OSBPL6: variants seen among roughly 807,000 people sequenced by gnomAD.
The protein encoded by OSBPL6 is oxysterol binding protein like 6, also known as oxysterol-binding protein-related protein 6.
OSBPL6 carries 49 observed loss-of-function variants against 125.8 expected under a neutral mutation model. That is an observed-to-expected ratio of 0.39 (90% CI 0.31 to 0.49). OSBPL6 has a LOEUF of 0.49. Among genes scored for constraint, OSBPL6 ranks in the 20% least tolerant of loss-of-function variants. The pLI is 0.88. For synonymous variants in OSBPL6, 394 were observed against 391.8 expected (o/e 1.01, Z -0.07); for missense variants, 986 against 1,135.4 (o/e 0.87, Z 1.89).
At chr2:178,341,933 T>G (rs1690242929) in intron 11 of OSBPL6, among the ~76,000 whole-genome samples, 1 of 152,130 alleles carries the variant, frequency 6.6e-6, no homozygotes, top group Non-Finnish European at 1.5e-5. Flanking sequence ...TAAGTTCATC[T>G]AGGATGAGTA....
chr2:178,280,113 G>C (rs1169738231), intron 1 of OSBPL6, among the ~76,000 whole-genome samples: 1 of 152,062 alleles, frequency 6.6e-6, no homozygotes, highest in Non-Finnish European at 1.5e-5. Flanking sequence ...CAGGATAATT[G>C]CTTGAACCTG....
chr2:178,378,486 T>G (rs1354883077), intron 15 of OSBPL6, among the ~76,000 whole-genome samples: 1 of 152,234 alleles, frequency 6.6e-6, no homozygotes, highest in Non-Finnish European at 1.5e-5. Context: ...CCTCTGCTCT[T>G]TTAAAAAATG....
intron 4 of OSBPL6, among the ~76,000 whole-genome samples, chr2:178,327,833 C>G (rs1688831616): frequency 6.6e-6 from 1 of 152,084 alleles, no homozygotes; most frequent in Non-Finnish European, 1.5e-5. Flanking sequence ...GAGACAACAG[C>G]AGCCTTTCCA....
chr2:178,231,688 A>G (rs2090829299), intron 1 of OSBPL6, among the ~76,000 whole-genome samples: 1 of 128,590 alleles, frequency 7.8e-6, no homozygotes, highest in Non-Finnish European at 1.5e-5. Flanking sequence ...GCTCTGTCAC[A>G]TAGGCTGGAG....
chr2:178,253,125 G>A (rs1304755564), intron 1 of OSBPL6, among the ~76,000 whole-genome samples: 8 of 151,432 alleles, frequency 5.3e-5, no homozygotes, highest in Admixed American at 2.6e-4. Context: ...AGGTTCAAGC[G>A]ATTCTCCTGC....
chr2:178,308,674 G>A (rs754861379), intron 3 of OSBPL6, among the ~76,000 whole-genome samples: 10 of 152,112 alleles, frequency 6.6e-5, no homozygotes, highest in Non-Finnish European at 1.2e-4. Flanking sequence ...TTGCTATCAG[G>A]ATAACCATTC....
chr2:178,320,358 C>T (rs1688129644), intron 3 of OSBPL6: 1 of 1,613,114 alleles, frequency 6.2e-7, no homozygotes, highest in Non-Finnish European at 8.5e-7. Context: ...TGGTTTTAAG[C>T]TAAATATGCA....
At chr2:178,205,545 G>A (rs2089480922) in intron 1 of OSBPL6, among the ~76,000 whole-genome samples, 1 of 152,110 alleles carries the variant, frequency 6.6e-6, no homozygotes. Flanking sequence ...AATAAGCAAA[G>A]ATTTCCTAAA....
chr2:178,211,985 G>A (rs1226140906), intron 1 of OSBPL6, among the ~76,000 whole-genome samples: 1 of 152,132 alleles, frequency 6.6e-6, no homozygotes, highest in Non-Finnish European at 1.5e-5. Flanking sequence ...TTTGGCATAG[G>A]TTCCATTGGG....
At chr2:178,341,752 G>T (rs1043691376) in intron 11 of OSBPL6, among the ~76,000 whole-genome samples, 1 of 152,096 alleles carries the variant, frequency 6.6e-6, no homozygotes, top group African/African-American at 2.4e-5. Context: ...ACTTCCACCT[G>T]GACTAAAACA....
chr2:178,258,601 C>G (rs2091959390), intron 1 of OSBPL6, among the ~76,000 whole-genome samples: 1 of 152,118 alleles, frequency 6.6e-6, no homozygotes, highest in Admixed American at 6.5e-5. Context: ...AAGAAGTTTA[C>G]CTATACTGAA....
chr2:178,321,146 T>C (rs1398379592), intron 3 of OSBPL6, among the ~76,000 whole-genome samples: 1 of 152,156 alleles, frequency 6.6e-6, no homozygotes, highest in East Asian at 1.9e-4. Flanking sequence ...CAAGACTCTG[T>C]CTCAAAAATA....
intron 13 of OSBPL6, among the ~76,000 whole-genome samples, chr2:178,362,349 A>G (rs1482955595): frequency 6.6e-6 from 1 of 152,106 alleles, no homozygotes; most frequent in Non-Finnish European, 1.5e-5. Context: ...TTATATTTCA[A>G]TATATATTAT....
intron 12 of OSBPL6, among the ~76,000 whole-genome samples, chr2:178,349,991 AGAGCCTG>A (rs1473681784): frequency 6.6e-6 from 1 of 152,194 alleles, no homozygotes; most frequent in Non-Finnish European, 1.5e-5. Flanking sequence ...TAGGGTTCCA[AGAGCCTG>A]GTAGTGGAAG....
intron 1 of OSBPL6, among the ~76,000 whole-genome samples, chr2:178,231,210 C>T (rs1375034957): frequency 6.6e-6 from 1 of 152,092 alleles, no homozygotes; most frequent in African/African-American, 2.4e-5. Flanking sequence ...TAGGGCCCTC[C>T]GGTTAGATTG....
At chr2:178,351,879 A>G (rs1265315376) in intron 12 of OSBPL6, among the ~76,000 whole-genome samples, 2 of 152,172 alleles carry the variant, frequency 1.3e-5, no homozygotes, top group African/African-American at 4.8e-5. Context: ...AGAGAAGATA[A>G]TTATTGGGTA....
intron 12 of OSBPL6, among the ~76,000 whole-genome samples, chr2:178,357,292 T>C (rs1055178038): frequency 1.3e-5 from 2 of 152,216 alleles, no homozygotes; most frequent in Non-Finnish European, 2.9e-5. Flanking sequence ...ACCATCAGAA[T>C]GAACAGGCAA....
intron 1 of OSBPL6, among the ~76,000 whole-genome samples, chr2:178,208,155 C>T (rs146884900): frequency 1.3e-5 from 2 of 151,894 alleles, no homozygotes; most frequent in East Asian, 3.9e-4. Context: ...CGTGGTGGCA[C>T]GTGCCTATAG....
intron 1 of OSBPL6, among the ~76,000 whole-genome samples, chr2:178,203,799 C>T (rs2089382454): frequency 6.6e-6 from 1 of 152,148 alleles, no homozygotes; most frequent in Non-Finnish European, 1.5e-5. Context: ...CAATTTAAGG[C>T]TAATTGTTTC....
Sources: gnomAD v4.1 joint callset for allele counts (sites outside exome capture counted in the v4.1 genomes callset) on GRCh38, gnomAD v4.1.1 for gene constraint, MANE v1.5 for transcripts, NCBI Gene and HGNC (gene_info 2026-07-23, HGNC 2026-07-21) for gene names.